TMC1: variants seen among roughly 807,000 people sequenced by gnomAD.
TMC1 encodes the protein transmembrane channel-like protein 1.
In TMC1, 84 loss-of-function variants were observed where a neutral mutation model predicts 105.8. That is an observed-to-expected ratio of 0.79 (90% CI 0.67 to 0.95). The LOEUF is 0.95. TMC1 is among the 40% of genes least tolerant of loss of function. The pLI, the probability that TMC1 is intolerant of heterozygous loss-of-function variation, is 0.00. For missense variants in TMC1, 817 were observed against 914.1 expected, an observed-to-expected ratio of 0.89 and a Z score of 1.37; for synonymous variants, 315 against 311.5, an observed-to-expected ratio of 1.01 and a Z score of -0.12.
intron 2 of TMC1, among the ~76,000 whole-genome samples, chr9:72,582,330 T>C (rs991906331): frequency 2.6e-5 from 4 of 152,208 alleles, no homozygotes; most frequent in African/African-American, 9.6e-5. Context: ...ATTTAGAAAA[T>C]TGTGCTATGC....
chr9:72,748,944 C>T (rs570300811), intron 10 of TMC1, among the ~76,000 whole-genome samples: 1 of 152,110 alleles, frequency 6.6e-6, no homozygotes, highest in Non-Finnish European at 1.5e-5. Flanking sequence ...TATTGGCCTG[C>T]AATTCATTTT....
At chr9:72,697,325 A>G (rs1826566299) in intron 7 of TMC1, among the ~76,000 whole-genome samples, 1 of 152,174 alleles carries the variant, frequency 6.6e-6, no homozygotes, top group African/African-American at 2.4e-5. Flanking sequence ...ATGAACATGT[A>G]ATTGCCCACA....
At chr9:72,611,231 C>G (rs779615683) in intron 2 of TMC1, among the ~76,000 whole-genome samples, 1 of 152,150 alleles carries the variant, frequency 6.6e-6, no homozygotes, top group South Asian at 2.1e-4. Flanking sequence ...GGAGAAATTT[C>G]TTTCCTTCAA....
At chr9:72,711,530 CT>C (rs561437450) in intron 8 of TMC1, among the ~76,000 whole-genome samples, 8 of 152,192 alleles carry the variant, frequency 5.3e-5, no homozygotes, top group Admixed American at 5.2e-4. Context: ...GATGATGAGC[CT>C]TTTTTTCATA....
At chr9:72,723,031 C>T (rs1328788767) in intron 8 of TMC1, among the ~76,000 whole-genome samples, 1 of 150,720 alleles carries the variant, frequency 6.6e-6, no homozygotes, top group Non-Finnish European at 1.5e-5. Context: ...AGTAAAATAA[C>T]TCTGTTATTT....
chr9:72,598,034 AACACAG>A (rs1824746701), intron 2 of TMC1, among the ~76,000 whole-genome samples: 1 of 151,248 alleles, frequency 6.6e-6, no homozygotes, highest in Admixed American at 6.6e-5. Flanking sequence ...CACATTTGAT[AACACAG>A]ATGGGGGTTT....
chr9:72,783,207 G>C (rs1046440289), intron 13 of TMC1, among the ~76,000 whole-genome samples: 1 of 152,032 alleles, frequency 6.6e-6, no homozygotes, highest in African/African-American at 2.4e-5. Flanking sequence ...ATGATCACAA[G>C]GTGAAGTTTC....
intron 17 of TMC1, among the ~76,000 whole-genome samples, chr9:72,797,336 C>A (rs1457334169): frequency 6.6e-6 from 1 of 151,994 alleles, no homozygotes; most frequent in Non-Finnish European, 1.5e-5. Context: ...TAAACCACAA[C>A]TGAAATTCTT....
intron 5 of TMC1, among the ~76,000 whole-genome samples, chr9:72,667,101 C>T (rs1826056537): frequency 6.6e-6 from 1 of 151,928 alleles, no homozygotes; most frequent in South Asian, 2.1e-4. Context: ...ACAAACAAAA[C>T]AACCAAAAAC....
intron 18 of TMC1, chr9:72,808,895 CT>C (rs1828646325): frequency 6.6e-6 from 1 of 152,262 alleles, no homozygotes; most frequent in African/African-American, 2.4e-5. Flanking sequence ...GGCTGTCTGA[CT>C]TTGAGATGGT....
At chr9:72,587,919 G>A (rs1156910201) in intron 2 of TMC1, among the ~76,000 whole-genome samples, 4 of 151,518 alleles carry the variant, frequency 2.6e-5, no homozygotes, top group Admixed American at 1.3e-4. Context: ...ACAAATAGCC[G>A]GAATTACAGG....
At chr9:72,788,961 G>A (rs1402119027) in intron 14 of TMC1, among the ~76,000 whole-genome samples, 162 bp from the exon 15 acceptor site, 2 of 151,942 alleles carry the variant, frequency 1.3e-5, no homozygotes, top group Non-Finnish European at 2.9e-5. Flanking sequence ...TCGTTTGTTG[G>A]CAATATTCAC....
chr9:72,819,262 G>A (rs1357214352), intron 19 of TMC1, among the ~76,000 whole-genome samples: 1 of 152,138 alleles, frequency 6.6e-6, no homozygotes, highest in Non-Finnish European at 1.5e-5. Context: ...CCAGCAGTAA[G>A]GACCTAATTT....
intron 4 of TMC1, among the ~76,000 whole-genome samples, chr9:72,648,184 C>A (rs1825744993): frequency 1.3e-5 from 2 of 152,110 alleles, no homozygotes; most frequent in African/African-American, 4.8e-5. Context: ...TTTACTAACG[C>A]ATTTAATTTA....
At chr9:72,768,457 A>G (rs1827873275) in intron 12 of TMC1, among the ~76,000 whole-genome samples, 1 of 152,176 alleles carries the variant, frequency 6.6e-6, no homozygotes, top group African/African-American at 2.4e-5. Flanking sequence ...TGTACCCCAG[A>G]ACTTAAAGTA....
intron 1 of TMC1, among the ~76,000 whole-genome samples, chr9:72,532,559 A>C (rs1204406963): frequency 3.0e-5 from 1 of 33,296 alleles, no homozygotes; most frequent in Admixed American, 2.8e-4. Context: ...AAAAAAAAAA[A>C]AAAAAAAAAA....
At chr9:72,590,105 C>T (rs1422932868) in intron 2 of TMC1, among the ~76,000 whole-genome samples, 1 of 152,196 alleles carries the variant, frequency 6.6e-6, no homozygotes, top group Non-Finnish European at 1.5e-5. Context: ...TCACTGACAG[C>T]TGCCTTTTCC....
chr9:72,763,510 C>A (rs942069432), intron 12 of TMC1, among the ~76,000 whole-genome samples: 1 of 152,100 alleles, frequency 6.6e-6, no homozygotes, highest in Admixed American at 6.5e-5. Flanking sequence ...AGGAAGGAGA[C>A]AGATAAAAGA....
At chr9:72,540,995 T>G (rs1178623458) in intron 1 of TMC1, among the ~76,000 whole-genome samples, 3 of 152,208 alleles carry the variant, frequency 2.0e-5, no homozygotes, top group Non-Finnish European at 4.4e-5. Flanking sequence ...TTATTAAAAC[T>G]TCTGACTTTT....
Sources: allele counts gnomAD v4.1 joint callset (sites outside exome capture counted in the v4.1 genomes callset), GRCh38; gene constraint gnomAD v4.1.1; transcripts MANE v1.5; gene names NCBI Gene and HGNC (gene_info 2026-07-23, HGNC 2026-07-21).